Variants in ARMC2 observed in about 807,000 individuals in gnomAD.
ARMC2 encodes the protein armadillo repeat containing 2, also known as armadillo repeat-containing protein 2.
A neutral mutation model predicts 90.3 loss-of-function variants in ARMC2; 67 were observed. The observed-to-expected ratio is 0.74, with a 90% CI of 0.61 to 0.91. The LOEUF is 0.91. Ranked by LOEUF, ARMC2 falls within the 40% of genes least tolerant of loss-of-function variation. The probability of loss-of-function intolerance (pLI) is 0.00; values close to 1 mark genes in which losing one functional copy is unlikely to be tolerated. For synonymous variants in ARMC2, 393 were observed against 393.0 expected (o/e 1.00, Z 0.00); for missense variants, 920 against 1,030.9 (o/e 0.89, Z 1.47).
the ARMC2 span, among the ~76,000 whole-genome samples, chr6:108,996,649 GCATTT>G: frequency 9.5e-4 from 144 of 151,958 alleles, no homozygotes; most frequent in African/African-American, 3.3e-3. Flanking sequence ...AAAAAAAATG[GCATTT>G]CATTTTAATA....
At chr6:108,954,161 T>A (rs1777397560) in intron 13 of ARMC2, among the ~76,000 whole-genome samples, 1 of 152,194 alleles carries the variant, frequency 6.6e-6, no homozygotes, top group Non-Finnish European at 1.5e-5. Context: ...CTCTTCAAAG[T>A]CTTATCTCCA....
At chr6:108,885,037 G>A (rs1391395818) in intron 5 of ARMC2, among the ~76,000 whole-genome samples, 1 of 152,158 alleles carries the variant, frequency 6.6e-6, no homozygotes, top group Non-Finnish European at 1.5e-5. Flanking sequence ...CTTTTCACAT[G>A]CAGTACCTTG....
the ARMC2 span, among the ~76,000 whole-genome samples, chr6:109,052,769 A>G: frequency 6.6e-6 from 1 of 151,990 alleles, no homozygotes; most frequent in Non-Finnish European, 1.5e-5. Flanking sequence ...TTCAACCATT[A>G]AGTATGCAGT....
At chr6:108,976,738 C>T (rs1033311018), downstream of ARMC2, among the ~76,000 whole-genome samples, 2 of 152,128 alleles carry the variant, frequency 1.3e-5, no homozygotes, top group Non-Finnish European at 2.9e-5. Flanking sequence ...AGTTGTATTC[C>T]TAGGTATTTT....
chr6:108,888,662 T>G (rs772859046), intron 5 of ARMC2, among the ~76,000 whole-genome samples: 1 of 152,222 alleles, frequency 6.6e-6, no homozygotes, highest in African/African-American at 2.4e-5. Context: ...CTCTTCCCCA[T>G]TCAGTCTTAC....
At chr6:108,862,342 C>CAAAA (rs71551359) in intron 3 of ARMC2, among the ~76,000 whole-genome samples, 78 of 35,930 alleles carry the variant, frequency 2.2e-3, no homozygotes, top group South Asian at 3.4e-3. Context: ...AGACTCATCT[C>CAAAA]AAAAAAAAAA....
the ARMC2 span, chr6:109,009,440 C>T: frequency 1.5e-6 from 2 of 1,368,258 alleles, no homozygotes; most frequent in Non-Finnish European, 1.9e-6. Context: ...ACGCCTCGTT[C>T]GCGGCGGCGG....
chr6:109,001,500 A>AGG, the ARMC2 span: 1 of 1,610,226 alleles, frequency 6.2e-7, no homozygotes, highest in African/African-American at 1.3e-5. Flanking sequence ...TGTATAAATG[A>AGG]GAAAAACCAT....
At chr6:109,003,891 A>G in the ARMC2 span, among the ~76,000 whole-genome samples, 2 of 152,358 alleles carry the variant, frequency 1.3e-5, no homozygotes, top group African/African-American at 4.8e-5. Flanking sequence ...TAAAATTAAC[A>G]TTTATCCCCT....
At chr6:109,041,397 G>C in the ARMC2 span, among the ~76,000 whole-genome samples, 1 of 152,034 alleles carries the variant, frequency 6.6e-6, no homozygotes, top group Non-Finnish European at 1.5e-5. Context: ...CAACAACTCA[G>C]TAAATCTACC....
chr6:109,036,629 A>T, the ARMC2 span, among the ~76,000 whole-genome samples: 34 of 152,176 alleles, frequency 2.2e-4, 1 homozygote, highest in African/African-American at 3.9e-4. Context: ...GATAAAAAAA[A>T]TTTTTTTTAG....
chr6:108,882,028 A>T (rs2128444933), intron 5 of ARMC2, among the ~76,000 whole-genome samples: 1 of 152,302 alleles, frequency 6.6e-6, no homozygotes, highest in Non-Finnish European at 1.5e-5. Flanking sequence ...TAGCAAAAAA[A>T]AGATGAAGGA....
At chr6:108,894,026 T>G (rs1771358964) in intron 5 of ARMC2, among the ~76,000 whole-genome samples, 1 of 151,888 alleles carries the variant, frequency 6.6e-6, no homozygotes, top group Admixed American at 6.6e-5. Flanking sequence ...AACCCACATA[T>G]AGAGCACCAA....
At chr6:109,006,783 T>C in the ARMC2 span, among the ~76,000 whole-genome samples, 2 of 152,178 alleles carry the variant, frequency 1.3e-5, no homozygotes, top group Non-Finnish European at 2.9e-5. Context: ...TCTTTTCTAG[T>C]AGATGCTGAT....
rs749756077 is a variant in ARMC2, at chr6:108,965,081, C to T, written c.2387C>T (p.Ser796Leu). The change falls in exon 17 of 18, where the codon TCG becomes TTG. Residue 796 changes from serine to leucine, a missense_variant. Physicochemically the swap from Ser to Leu is moderately radical, Grantham distance 145 (BLOSUM62 -2). Coordinates refer to ENST00000392644, the MANE Select transcript of ARMC2 (RefSeq NM_032131.6). ...WNFSENITNA[S>L]SCFGNEDTNT... ...TTCAGTGAAAACATCACTAATGCTT[C>T]GTCATGTTTTGGAAATGAAGACACC... 9.9e-6 allele frequency: 16 copies of T among 1,613,520 alleles called. No individual in the cohort carries two copies. Among genetic ancestry groups the T allele is most frequent in the Admixed American group, 1.7e-5 (1 of 59,996 alleles).
At chr6:108,994,474 C>T in the ARMC2 span, 1 of 1,611,948 alleles carries the variant, frequency 6.2e-7, no homozygotes, top group Non-Finnish European at 8.5e-7. Flanking sequence ...GAAGAGAAGA[C>T]AAACATACTC....
At position 108,884,139 on chromosome 6, in the gene ARMC2, C is replaced by CCTT. The variant is rs545717646; in HGVS notation, c.671+7790_671+7792dup. Among the ~76,000 whole-genome samples, 636 of 152,270 alleles carry CCTT rather than the reference C, an allele frequency of 4.2e-3. 3 individuals are homozygous for CCTT. Among genetic ancestry groups the CCTT allele is most frequent in the African/African-American group, 0.014 (596 of 41,556 alleles). ...ATTGGCCTGATTTTGTAGAGACCCTCCTTTCTGTCCGATAAGCGTTTCCTG... is the reference window on the plus strand; with the variant it reads ...ATTGGCCTGATTTTGTAGAGACCCTCCTTCTTTCTGTCCGATAAGCGTTTCCTG... On this transcript the variant is annotated intron_variant, in intron 5 of 17. Transcript: ENST00000392644.
chr6:108,976,044 G>A (rs1196889231), downstream of ARMC2, among the ~76,000 whole-genome samples: 1 of 152,102 alleles, frequency 6.6e-6, no homozygotes. Flanking sequence ...TGTTGCCATT[G>A]CTTTTGATGT....
chr6:109,020,467 A>C, the ARMC2 span, among the ~76,000 whole-genome samples: 1 of 152,222 alleles, frequency 6.6e-6, no homozygotes, highest in Non-Finnish European at 1.5e-5. Context: ...ATCCAGTGAA[A>C]TGCTACAGGC....
Sources: gnomAD v4.1 joint callset for allele counts (sites outside exome capture counted in the v4.1 genomes callset) on GRCh38, gnomAD v4.1.1 for gene constraint, MANE v1.5 for transcripts, NCBI Gene and HGNC (gene_info 2026-07-23, HGNC 2026-07-21) for gene names.